HNF4G: variants seen among roughly 807,000 people sequenced by gnomAD.
HNF4G encodes hepatocyte nuclear factor 4-gamma.
A neutral mutation model predicts 50.9 loss-of-function variants in HNF4G; 21 were observed. The observed-to-expected ratio is 0.41, with a 90% CI of 0.29 to 0.59. The LOEUF (loss-of-function observed/expected upper bound fraction) is 0.59. HNF4G is among the 20% of genes least tolerant of loss of function. HNF4G has a pLI of 0.26. For missense variants in HNF4G, 527 were observed against 559.4 expected, an observed-to-expected ratio of 0.94 and a Z score of 0.58; for synonymous variants, 198 against 185.6, an observed-to-expected ratio of 1.07 and a Z score of -0.54.
intron 1 of HNF4G, among the ~76,000 whole-genome samples, chr8:75,480,068 A>G (rs1367371660): frequency 6.6e-6 from 1 of 152,164 alleles, no homozygotes; most frequent in African/African-American, 2.4e-5. Context: ...ATTCTTATTA[A>G]ATGTATGCTT....
chr8:75,429,260 A>G (rs1291926866), intron 1 of HNF4G, among the ~76,000 whole-genome samples: 1 of 152,194 alleles, frequency 6.6e-6, no homozygotes, highest in African/African-American at 2.4e-5. Context: ...AGGATCAGGT[A>G]CTGACTCAAT....
rs568679298 is a variant in HNF4G at position 75,525,648 on chromosome 8, G to C, written c.-23-18163G>C. ...TCATAGTGATGAGATTGAATATTTT[G>C]GTCCACACGTACATTGTTGTGGCAG... is the stretch of plus-strand genomic sequence containing the variant. On this transcript the variant is annotated intron_variant, in intron 2 of 10. Transcript: ENST00000354370. Among the ~76,000 whole-genome samples, 10 of 152,168 alleles carry C rather than the reference G, an allele frequency of 6.6e-5. No individual in the cohort carries two copies. In the East Asian group the frequency reaches 1.7e-3, roughly 26 times the overall value.
chr8:75,453,165 G>A (rs1811627515), intron 1 of HNF4G, among the ~76,000 whole-genome samples: 1 of 152,210 alleles, frequency 6.6e-6, no homozygotes, highest in Non-Finnish European at 1.5e-5. Flanking sequence ...GCCAGAAGCA[G>A]AATGGCACCA....
intron 2 of HNF4G, among the ~76,000 whole-genome samples, chr8:75,523,360 T>A (rs1806095914): frequency 6.6e-6 from 1 of 152,252 alleles, no homozygotes; most frequent in South Asian, 2.1e-4. Context: ...TAATTCAACT[T>A]CTTGAATCAA....
chr8:75,542,111 G>A (rs1268870723), intron 1 of HNF4G, among the ~76,000 whole-genome samples: 1 of 151,864 alleles, frequency 6.6e-6, no homozygotes, highest in Non-Finnish European at 1.5e-5. Context: ...GACCAACCTG[G>A]GCAACATAGT....
chr8:75,529,153 T>C (rs549193034), intron 2 of HNF4G, among the ~76,000 whole-genome samples: 2 of 150,188 alleles, frequency 1.3e-5, no homozygotes, highest in East Asian at 3.9e-4. Context: ...TAGCTGGGAG[T>C]GGTGGCGGGC....
At chr8:75,478,417 A>G (rs1812292501) in intron 1 of HNF4G, among the ~76,000 whole-genome samples, 1 of 152,228 alleles carries the variant, frequency 6.6e-6, no homozygotes, top group Non-Finnish European at 1.5e-5. Context: ...CTGTTGTTTT[A>G]CGGATTCTAA....
chr8:75,513,565 A>G (rs1805811440), intron 2 of HNF4G, among the ~76,000 whole-genome samples: 1 of 152,158 alleles, frequency 6.6e-6, no homozygotes, highest in Non-Finnish European at 1.5e-5. Context: ...CAAATAATAA[A>G]TTTGACCTTG....
chr8:75,525,774 G>A (rs1376211861), intron 2 of HNF4G, among the ~76,000 whole-genome samples: 1 of 152,154 alleles, frequency 6.6e-6, no homozygotes, highest in Non-Finnish European at 1.5e-5. Context: ...GTCTCTGTAA[G>A]AAAAAGTTGA....
At chr8:75,496,926 T>C (rs970523285) in intron 2 of HNF4G, among the ~76,000 whole-genome samples, 8 of 152,120 alleles carry the variant, frequency 5.3e-5, no homozygotes, top group African/African-American at 1.7e-4. Flanking sequence ...AGCAGCAGTG[T>C]CTACTAGATT....
At chr8:75,465,050 G>A (rs1811936615) in intron 1 of HNF4G, among the ~76,000 whole-genome samples, 1 of 152,136 alleles carries the variant, frequency 6.6e-6, no homozygotes, top group South Asian at 2.1e-4. Flanking sequence ...TCAATAGAGG[G>A]AGTAGTCATC....
chr8:75,481,981 G>C (rs969316741), intron 1 of HNF4G, among the ~76,000 whole-genome samples: 1 of 152,066 alleles, frequency 6.6e-6, no homozygotes, highest in Non-Finnish European at 1.5e-5. Context: ...GGAAATGTTC[G>C]ATAGCCTTTG....
rs191143919 is a variant in HNF4G at position 75,436,172 on chromosome 8, A to T, written c.-144+28010A>T. Among the ~76,000 whole-genome samples the T allele has an allele frequency of 2.9e-4, 44 of 152,322 alleles. 2 individuals are homozygous for T. Among genetic ancestry groups the T allele is most frequent in the African/African-American group, 1.0e-3 (43 of 41,596 alleles). On this transcript the variant is annotated intron_variant, in intron 1 of 10. Transcript: ENST00000354370. ...ACATTAGAAGACAAATAAATTAAAA[A>T]ATATATTGTAAATAGGAGGACACTG...
intron 7 of HNF4G, 25 bp downstream of exon 7, chr8:75,558,695 G>A (rs779172039): frequency 6.3e-7 from 1 of 1,597,310 alleles, no homozygotes; most frequent in South Asian, 1.1e-5. Context: ...TTCCACTAGA[G>A]AATTAATATA....
upstream of HNF4G, chr8:75,539,781 A>G (rs1806561500): frequency 8.1e-6 from 4 of 494,630 alleles, no homozygotes; most frequent in South Asian, 1.2e-4. Context: ...AAAAGAAGAA[A>G]TAAGCAGAAT....
At chr8:75,458,134 G>T (rs1050922875) in intron 1 of HNF4G, among the ~76,000 whole-genome samples, 2 of 152,068 alleles carry the variant, frequency 1.3e-5, no homozygotes, top group African/African-American at 4.8e-5. Context: ...CTGCTCACTG[G>T]TAGGTGGTTA....
At chr8:75,538,417 C>T (rs1217405452), upstream of HNF4G, among the ~76,000 whole-genome samples, 2 of 152,088 alleles carry the variant, frequency 1.3e-5, no homozygotes, top group Admixed American at 1.3e-4. Flanking sequence ...TGAGCTTTTC[C>T]TATCTTTTTC....
Position 75,556,067 on chromosome 8 carries a change from T to A in HNF4G, c.731T>A (p.Leu244Ter). The change falls in exon 6 of 10, where the codon TTG (leucine) becomes TAG (stop). Residue 244 changes from leucine to a stop codon, truncating the protein, a stop_gained and splice_region_variant. Transcript: ENST00000396423. LOFTEE classifies it high-confidence loss of function. ...ATGATGTATAAAGATATTTTGCTTT[T>A]GGGTAAGTTTTTTTTTTTTAATTTA... ...RSMMYKDILL[L>*]GNNYVIHRNS... 6.8e-7 allele frequency: 1 copy of A among 1,473,564 alleles called. No homozygotes were observed. Among genetic ancestry groups the A allele is most frequent in the Non-Finnish European group, 9.0e-7 (1 of 1,114,662 alleles). 91.3% of individuals were successfully genotyped at this position (1,473,564 alleles called of 1,614,324 possible).
At chr8:75,501,314 T>C (rs529275611) in intron 2 of HNF4G, among the ~76,000 whole-genome samples, 1 of 152,116 alleles carries the variant, frequency 6.6e-6, no homozygotes, top group South Asian at 2.1e-4. Flanking sequence ...AGGCATGGTA[T>C]GCACACCTGT....
Sources: allele counts gnomAD v4.1 joint callset (sites outside exome capture counted in the v4.1 genomes callset), GRCh38; gene constraint gnomAD v4.1.1; transcripts MANE v1.5; gene names NCBI Gene and HGNC (gene_info 2026-07-23, HGNC 2026-07-21).